KRABD3: variants seen among roughly 807,000 people sequenced by gnomAD.
The protein encoded by KRABD3 is KRAB domain containing 3, also known as KRAB domain-containing protein 3.
chr7:149,725,808 G>T, the KRABD3 span: 1 of 1,341,752 alleles, frequency 7.5e-7, no homozygotes, highest in Non-Finnish European at 9.9e-7. Context: ...AGGGTCTTCT[G>T]GTGCCCGTGC....
the KRABD3 span, chr7:149,733,590 G>A: frequency 6.3e-7 from 1 of 1,597,908 alleles, no homozygotes; most frequent in Non-Finnish European, 8.5e-7. Flanking sequence ...AGGCAGAAGG[G>A]ACCCACGAGG....
At chr7:149,733,683 G>A in the KRABD3 span, 95 of 1,584,352 alleles carry the variant, frequency 6.0e-5, no homozygotes, top group African/African-American at 9.7e-4. Flanking sequence ...ACCGCTCGCC[G>A]GGCACGTCCG....
chr7:149,724,452 C>G, the KRABD3 span, among the ~76,000 whole-genome samples: 1 of 152,126 alleles, frequency 6.6e-6, no homozygotes, highest in Admixed American at 6.6e-5. Flanking sequence ...CTTGGAGGCA[C>G]CCCAAGGGGC....
chr7:149,730,707 C>T, the KRABD3 span: 2 of 1,102,076 alleles, frequency 1.8e-6, no homozygotes, highest in Non-Finnish European at 2.5e-6. Flanking sequence ...CTTTAGTTCC[C>T]TGTAAGGTGA....
the KRABD3 span, among the ~76,000 whole-genome samples, chr7:149,731,417 C>T: frequency 1.7e-4 from 26 of 152,250 alleles, no homozygotes; most frequent in South Asian, 1.4e-3. Flanking sequence ...GATGAGAGTC[C>T]TTTTTCCCAG....
the KRABD3 span, chr7:149,725,311 C>T: frequency 4.4e-6 from 7 of 1,575,860 alleles, no homozygotes; most frequent in South Asian, 1.2e-5. Context: ...CTCTCCTGTT[C>T]CAGCTGCCAG....
the KRABD3 span, chr7:149,728,732 G>C: frequency 6.4e-7 from 1 of 1,558,830 alleles, no homozygotes; most frequent in South Asian, 1.1e-5. Context: ...GGATGCCCTA[G>C]GCGCTGCACC....
At chr7:149,718,519 T>TTA in the KRABD3 span, among the ~76,000 whole-genome samples, 1 of 142,342 alleles carries the variant, frequency 7.0e-6, no homozygotes, top group Non-Finnish European at 1.5e-5. Context: ...AGGACTTTTT[T>TTA]TTTTTTTTTT....
At chr7:149,733,907 G>A in the KRABD3 span, 22 of 1,591,926 alleles carry the variant, frequency 1.4e-5, no homozygotes, top group East Asian at 2.3e-5. Flanking sequence ...AGATGCAGAC[G>A]TGCCGACCTC....
At chr7:149,716,876 GT>G in the KRABD3 span, among the ~76,000 whole-genome samples, 3 of 152,134 alleles carry the variant, frequency 2.0e-5, no homozygotes, top group Admixed American at 2.0e-4. Flanking sequence ...TCCTGTATTT[GT>G]TTTGTCTTCA....
the KRABD3 span, among the ~76,000 whole-genome samples, chr7:149,717,140 CTTACCT>C: frequency 3.9e-5 from 6 of 152,184 alleles, no homozygotes; most frequent in Non-Finnish European, 7.3e-5. Context: ...GTATCATGTT[CTTACCT>C]AGAGCTCAGA....
chr7:149,719,682 GGA>G, the KRABD3 span: 64 of 1,601,988 alleles, frequency 4.0e-5, no homozygotes, highest in Non-Finnish European at 5.0e-5. The surrounding 1 kb of genome is among the most constrained non-coding windows in gnomAD (Gnocchi z 5.6). Flanking sequence ...GGTAAGGACG[GGA>G]GGGAGCAGCA....
the KRABD3 span, chr7:149,723,896 G>C: frequency 1.2e-6 from 2 of 1,612,492 alleles, no homozygotes; most frequent in East Asian, 4.5e-5. Flanking sequence ...GGAGGTAAAG[G>C]CTTCTCGCTG....
chr7:149,721,266 GTGGC>G, the KRABD3 span: 1 of 1,289,146 alleles, frequency 7.8e-7, no homozygotes, highest in Non-Finnish European at 1.1e-6. Context: ...CAACACATAG[GTGGC>G]TGACATCCTG....
chr7:149,728,777 G>A, the KRABD3 span: 1 of 1,340,510 alleles, frequency 7.5e-7, no homozygotes, highest in Non-Finnish European at 1.0e-6. Context: ...CCAACATGGT[G>A]CTCTGGAAAC....
At chr7:149,721,794 G>C in the KRABD3 span, 1 of 644,492 alleles carries the variant, frequency 1.6e-6, no homozygotes, top group Non-Finnish European at 2.9e-6. Context: ...TTTGTACACA[G>C]AAAGTCTCCG....
chr7:149,723,976 A>G, the KRABD3 span: 1 of 1,422,994 alleles, frequency 7.0e-7, no homozygotes, highest in Non-Finnish European at 9.6e-7. Context: ...CCCCACCACA[A>G]ACACTCAGGC....
the KRABD3 span, chr7:149,734,397 G>A: frequency 5.0e-5 from 12 of 241,434 alleles, no homozygotes; most frequent in African/African-American, 2.7e-4. Flanking sequence ...AGCTAGAGCG[G>A]CCAGGAGAGC....
the KRABD3 span, among the ~76,000 whole-genome samples, chr7:149,731,068 G>A: frequency 6.6e-6 from 1 of 152,198 alleles, no homozygotes; most frequent in Non-Finnish European, 1.5e-5. Context: ...CAGGAGACAG[G>A]TCCCAGTTGC....
Sources: gnomAD v4.1 joint callset for allele counts (sites outside exome capture counted in the v4.1 genomes callset) on GRCh38, gnomAD v4.1.1 for gene constraint, Gnocchi (gnomAD v3.1) non-coding constraint, MANE v1.5 for transcripts, NCBI Gene and HGNC (gene_info 2026-07-23, HGNC 2026-07-21) for gene names.